The following TPPP variants were observed in gnomAD, a reference collection of about 807,000 sequenced individuals.
The protein encoded by TPPP is tubulin polymerization-promoting protein.
A neutral mutation model predicts 15.5 loss-of-function variants in TPPP; 6 were observed. That is an observed-to-expected ratio of 0.39 (90% CI 0.21 to 0.77). TPPP has a LOEUF of 0.77. TPPP is among the 30% of genes least tolerant of loss of function. The pLI is 0.42. For missense variants in TPPP, 269 were observed against 307.2 expected (o/e 0.88, Z 0.93); for synonymous variants, 146 against 133.9 (o/e 1.09, Z -0.63).
chr5:672,270 G>C (rs1015522106), intron 2 of TPPP, among the ~76,000 whole-genome samples: 1 of 152,138 alleles, frequency 6.6e-6, no homozygotes, highest in Non-Finnish European at 1.5e-5. Context: ...ACCCCAGGGA[G>C]CCTGGCCCTG....
chr5:665,974 A>G lies in TPPP; in HGVS notation c.461T>C (p.Val154Ala). 12 of 1,289,726 alleles carry G rather than the reference A, an allele frequency of 9.3e-6. No homozygotes were observed. The highest frequency in any genetic ancestry group is 1.2e-5 in the Non-Finnish European group (12 of 998,694). The allele number at this position is 1,289,726 out of a possible 1,614,324, so 79.9% of individuals were successfully genotyped here. Residue 154 changes from valine to alanine, a missense_variant, in exon 3 of 4, where the codon GTG becomes GCG. Transcript: ENST00000360578. ...TTCCATCCCCGCCCTGCTCACCGTCACCCCTGAGATGATGGGCGCCTTGCC... is the reference window on the plus strand; with the variant it reads ...TTCCATCCCCGCCCTGCTCACCGTCGCCCCTGAGATGATGGGCGCCTTGCC... ...IEGKAPIISGVTKAISSPTVS... is the reference protein window; with the variant it reads ...IEGKAPIISGATKAISSPTVS...
chr5:677,745 C>T lies in TPPP; in HGVS notation c.311+5G>A. ...TCCCTCGGCCCGTGAGCCCAGCGCACTCACTTGATCTTGCTGAAGACGATG... is the reference window on the plus strand; with the variant it reads ...TCCCTCGGCCCGTGAGCCCAGCGCATTCACTTGATCTTGCTGAAGACGATG... On this transcript the variant is annotated splice_donor_5th_base_variant and intron_variant, in intron 2 of 3. Transcript: ENST00000360578. 1.3e-6 allele frequency: 2 copies of T among 1,549,666 alleles called. No homozygotes were observed. The highest frequency in any genetic ancestry group is 1.7e-6 in the Non-Finnish European group (2 of 1,145,894).
At chr5:680,614 C>T (rs1444723502) in intron 1 of TPPP, among the ~76,000 whole-genome samples, 1 of 150,814 alleles carries the variant, frequency 6.6e-6, no homozygotes, top group African/African-American at 2.4e-5. Context: ...AAAGTGGAAC[C>T]CGTCCCAACT....
intron 2 of TPPP, among the ~76,000 whole-genome samples, chr5:669,378 C>G (rs1012122886): frequency 2.0e-5 from 3 of 152,174 alleles, no homozygotes; most frequent in Non-Finnish European, 2.9e-5. Flanking sequence ...TGGACACCCG[C>G]ACGTTCCCTG....
rs557742837 is a variant in TPPP at position 680,985 on chromosome 5, G to A, written c.-4-2921C>T. Among the ~76,000 whole-genome samples the A allele has an allele frequency of 5.3e-5, 8 of 152,326 alleles. No homozygotes were observed. In the East Asian group the frequency reaches 1.4e-3, roughly 26 times the overall value. ...AGATGGGAGCCACACTGTCTGGATCGCTTCATTAGACCCACGTGCTGTTTC... is the reference window on the plus strand; with the variant it reads ...AGATGGGAGCCACACTGTCTGGATCACTTCATTAGACCCACGTGCTGTTTC... On this transcript the variant is annotated intron_variant, in intron 1 of 3. Coordinates refer to ENST00000360578, the MANE Select transcript of TPPP (RefSeq NM_007030.3).
Position 665,309 on chromosome 5 carries a change from C to G in TPPP, c.466-13G>C. ...ACGAGATGGCTTTCTGCAAGAGGAGCAGGAGGAAGGGGGCAGGTGAGTTGC... is the reference window on the plus strand; with the variant it reads ...ACGAGATGGCTTTCTGCAAGAGGAGGAGGAGGAAGGGGGCAGGTGAGTTGC... On this transcript the variant is annotated splice_polypyrimidine_tract_variant and intron_variant, in intron 3 of 3. Transcript: ENST00000360578. 6.2e-7 allele frequency: 1 copy of G among 1,608,074 alleles called. No homozygotes were observed. The highest frequency in any genetic ancestry group is 8.5e-7 in the Non-Finnish European group (1 of 1,177,752).
At chr5:669,291 G>T (rs1414251624) in intron 2 of TPPP, among the ~76,000 whole-genome samples, 1 of 151,752 alleles carries the variant, frequency 6.6e-6, no homozygotes, top group Non-Finnish European at 1.5e-5. Flanking sequence ...CCGGTGAGCC[G>T]GAGGTGCCCT....
intron 2 of TPPP, among the ~76,000 whole-genome samples, chr5:669,492 CTCTG>C (rs1000855216): frequency 4.6e-5 from 7 of 152,094 alleles, no homozygotes; most frequent in Admixed American, 1.3e-4. Context: ...CCCTTGGGGC[CTCTG>C]TCTGTCCTGG....
At chr5:669,478 G>C (rs59863608) in intron 2 of TPPP, among the ~76,000 whole-genome samples, 1 of 152,110 alleles carries the variant, frequency 6.6e-6, no homozygotes, top group Non-Finnish European at 1.5e-5. Context: ...TTGACTCTCT[G>C]GGGCCCTTGG....
chr5:672,247 G>A (rs1199098139), intron 2 of TPPP, among the ~76,000 whole-genome samples: 8 of 152,114 alleles, frequency 5.3e-5, no homozygotes, highest in African/African-American at 9.7e-5. Context: ...CTCCACGCTC[G>A]GGGCAACCGC....
chr5:677,274 A>G (rs2126902145), intron 2 of TPPP, among the ~76,000 whole-genome samples: 1 of 152,302 alleles, frequency 6.6e-6, no homozygotes, highest in South Asian at 2.1e-4. Context: ...CCAACCTCTG[A>G]GACTCAGCCG....
Position 677,821 on chromosome 5 carries a change from G to A in TPPP, c.240C>T (p.Cys80=). ...EMHGKNWSKL[C]KDCQVIDGRN... ...TGCCGTCGATCACCTGGCAGTCCTT[G>A]CACAGCTTCGACCAGTTCTTGCCGT... The change falls in exon 2 of 4, where the codon TGC becomes TGT. Residue 80 remains cysteine (C), a synonymous_variant. Transcript: ENST00000360578. 1 of 1,610,718 alleles carries A rather than the reference G, an allele frequency of 6.2e-7. No homozygotes were observed. Among genetic ancestry groups the A allele is most frequent in the East Asian group, 2.2e-5 (1 of 44,832 alleles).
Position 665,218 on chromosome 5 carries a change from G to C in TPPP, c.544C>G (p.Pro182Ala). 2 of 1,613,874 alleles carry C rather than the reference G, an allele frequency of 1.2e-6. No individual in the cohort carries two copies. Among genetic ancestry groups the C allele is most frequent in the African/African-American group, 1.3e-5 (1 of 75,034 alleles). The change falls in exon 4 of 4, where the codon CCC becomes GCC. Residue 182 changes from proline to alanine, a missense_variant. Transcript: ENST00000360578. ...FTGSHKERFD[P>A]SGKGKGKAGR... ...GCCTTGCCCTTGCCCTTGCCAGAGG[G>C]GTCGAAGCGCTCCTTGTGGGAGCCC...
At chr5:684,412 A>G (rs112390074) in intron 1 of TPPP, among the ~76,000 whole-genome samples, 1 of 152,078 alleles carries the variant, frequency 6.6e-6, no homozygotes, top group African/African-American at 2.4e-5. Context: ...CAAGCTGCCC[A>G]CTGGGCATTC....
chr5:677,736 C>A lies in TPPP; in HGVS notation c.311+14G>T. On this transcript the variant is annotated intron_variant, in intron 2 of 3. Transcript: ENST00000360578. ...TAAGTCAGGTCCCTCGGCCCGTGAG[C>A]CCAGCGCACTCACTTGATCTTGCTG... is the stretch of plus-strand genomic sequence containing the variant. The A allele has an allele frequency of 6.5e-7, 1 of 1,541,764 alleles. No individual in the cohort carries two copies.
intron 1 of TPPP, among the ~76,000 whole-genome samples, chr5:682,429 G>A (rs1420099933): frequency 6.6e-6 from 1 of 151,372 alleles, no homozygotes; most frequent in Non-Finnish European, 1.5e-5. Context: ...ACTAGGGCCA[G>A]GGGTCTGCCC....
chr5:698,047 G>C (rs1478260470), upstream of TPPP, among the ~76,000 whole-genome samples: 4 of 146,260 alleles, frequency 2.7e-5, no homozygotes, highest in African/African-American at 1.0e-4. Flanking sequence ...CACATGAACA[G>C]AATTAAGGAT....
intron 1 of TPPP, among the ~76,000 whole-genome samples, chr5:681,894 AG>A (rs1405271661): frequency 1.3e-5 from 2 of 152,210 alleles, no homozygotes; most frequent in Non-Finnish European, 2.9e-5. Flanking sequence ...CTCGCAGGCC[AG>A]GGAATGCCTG....
At chr5:674,821 T>A (rs906239193) in intron 2 of TPPP, among the ~76,000 whole-genome samples, 1 of 151,576 alleles carries the variant, frequency 6.6e-6, no homozygotes, top group Non-Finnish European at 1.5e-5. Flanking sequence ...AGGCAGCGGC[T>A]GACATAAGCC....
Sources: allele counts gnomAD v4.1 joint callset (sites outside exome capture counted in the v4.1 genomes callset), GRCh38; gene constraint gnomAD v4.1.1; transcripts MANE v1.5; gene names NCBI Gene and HGNC (gene_info 2026-07-23, HGNC 2026-07-21).